Variants in SHLD1 observed in about 807,000 individuals in gnomAD.
SHLD1 encodes RINN1-REV7-interacting novel NHEJ regulator 3.
SHLD1 carries 3 observed loss-of-function variants against 5.5 expected under a neutral mutation model. The ratio of observed to expected loss-of-function variants is 0.54; its 90% CI spans 0.25 to 1.40. The LOEUF is 1.40. SHLD1 is among the 40% of genes most tolerant of loss of function. SHLD1 has a pLI of 0.15. For missense variants in SHLD1, 210 were observed against 244.4 expected (o/e 0.86, Z 0.94); for synonymous variants, 92 against 94.3 (o/e 0.98, Z 0.14).
chr20:5,770,943 T>A (rs1174693185), intron 1 of SHLD1, among the ~76,000 whole-genome samples: 50 of 152,196 alleles, frequency 3.3e-4, no homozygotes, highest in Admixed American at 3.1e-3. Flanking sequence ...CAGCCCTTCC[T>A]CTTTCAAATA....
At chr20:5,795,509 G>T (rs2087198684) in intron 2 of SHLD1, among the ~76,000 whole-genome samples, 1 of 148,552 alleles carries the variant, frequency 6.7e-6, no homozygotes, top group African/African-American at 2.5e-5. Context: ...TGAGGCAGGA[G>T]AATTGCTTGA....
intron 2 of SHLD1, among the ~76,000 whole-genome samples, chr20:5,848,175 C>A (rs1345872777): frequency 6.6e-6 from 1 of 152,162 alleles, no homozygotes; most frequent in Admixed American, 6.5e-5. Context: ...CTACCACACA[C>A]AAAGCAACAC....
chr20:5,766,381 T>C (rs1568491365), intron 1 of SHLD1, among the ~76,000 whole-genome samples: 1 of 152,220 alleles, frequency 6.6e-6, no homozygotes, highest in East Asian at 1.9e-4. Context: ...CAACAGCACG[T>C]GACTGGGTGT....
chr20:5,860,876 TAAAAAAAAAAAAAAA>T (rs10555301), intron 2 of SHLD1, among the ~76,000 whole-genome samples: 40 of 100,776 alleles, frequency 4.0e-4, no homozygotes, highest in East Asian at 1.5e-3. Context: ...TACTATTCTT[TAAAAAAAAAAAAAAA>T]AAAAAAAAAA....
chr20:5,765,894 C>T (rs967768227), intron 1 of SHLD1, among the ~76,000 whole-genome samples: 1 of 144,922 alleles, frequency 6.9e-6, no homozygotes, highest in East Asian at 2.2e-4. Flanking sequence ...GCTGGGATTA[C>T]AGACATCAGC....
At chr20:5,849,748 A>G (rs573157076) in intron 2 of SHLD1, among the ~76,000 whole-genome samples, 10 of 150,374 alleles carry the variant, frequency 6.7e-5, no homozygotes, top group South Asian at 4.2e-4. Flanking sequence ...TCATGAGGTC[A>G]GGAGATCGAG....
chr20:5,758,511 T>C (rs1237652170), intron 1 of SHLD1, among the ~76,000 whole-genome samples: 2 of 151,510 alleles, frequency 1.3e-5, no homozygotes, highest in Non-Finnish European at 2.9e-5. Flanking sequence ...CTCCACCCCC[T>C]GAGTTCAAGT....
At chr20:5,819,121 CA>C (rs748123893) in intron 2 of SHLD1, among the ~76,000 whole-genome samples, 1 of 152,128 alleles carries the variant, frequency 6.6e-6, no homozygotes, top group Non-Finnish European at 1.5e-5. Context: ...CTCAGCCTCC[CA>C]AAGTGCTGGG....
In SHLD1 at chr20:5,855,103, C is replaced by T. The variant is rs1393110482; in HGVS notation, c.179-7921C>T. 6.6e-6 allele frequency among the ~76,000 whole-genome samples: 1 copy of T among 151,808 alleles called. No homozygotes were observed. Among genetic ancestry groups the T allele is most frequent in the Non-Finnish European group, 1.5e-5 (1 of 67,986 alleles). ...ATGTTGCCTAGGTTGGTCTCAAACT[C>T]CTGGCTTCAAGTGATCCTCCTGCCT... On this transcript the variant is annotated intron_variant, in intron 2 of 2. Transcript: ENST00000303142. This position sits in a 1 kb window ranked among gnomAD's most constrained non-coding sequence, Gnocchi z 4.4.
intron 2 of SHLD1, among the ~76,000 whole-genome samples, chr20:5,822,547 T>C (rs1321088737): frequency 6.6e-6 from 1 of 152,146 alleles, no homozygotes. Context: ...TGTGAGTGTG[T>C]GTGCTTGTGT....
intron 2 of SHLD1, among the ~76,000 whole-genome samples, chr20:5,837,829 G>A (rs533886339): frequency 3.9e-5 from 6 of 152,138 alleles, no homozygotes; most frequent in South Asian, 2.1e-4. Context: ...TTTAGGCTAC[G>A]CAATTTGTCT....
intron 2 of SHLD1, among the ~76,000 whole-genome samples, chr20:5,840,149 A>G (rs1027707): frequency 6.6e-6 from 1 of 152,168 alleles, no homozygotes; most frequent in Non-Finnish European, 1.5e-5. Context: ...ATTTTCTTGC[A>G]TGCTTTATTA....
chr20:5,820,589 G>A (rs1199110028), intron 2 of SHLD1, among the ~76,000 whole-genome samples: 3 of 152,174 alleles, frequency 2.0e-5, no homozygotes, highest in Non-Finnish European at 4.4e-5. Flanking sequence ...TTTTCACCAG[G>A]CAAACTCAGA....
Position 5,790,690 on chromosome 20 carries a change from G to T in SHLD1, c.178+17647G>T, listed in dbSNP as rs892591077. Among the ~76,000 whole-genome samples the T allele has an allele frequency of 4.6e-5, 7 of 152,090 alleles. No homozygotes were observed. In the South Asian group the frequency reaches 1.0e-3, roughly 23 times the overall value. ...GCTGGTCTTGAACTCCTGACCTCAG[G>T]TGATCCACCCACCTTGGCCTCCCAA... On this transcript the variant is annotated intron_variant, in intron 2 of 2. Coordinates refer to ENST00000303142, the MANE Select transcript of SHLD1 (RefSeq NM_152504.4).
chr20:5,778,779 G>A (rs557272631), intron 2 of SHLD1, among the ~76,000 whole-genome samples: 8 of 152,250 alleles, frequency 5.3e-5, no homozygotes, highest in African/African-American at 1.4e-4. Flanking sequence ...AGAAATAAAC[G>A]TGCTCAGGTT....
At chr20:5,814,199 A>G (rs947384853) in intron 2 of SHLD1, among the ~76,000 whole-genome samples, 3 of 151,434 alleles carry the variant, frequency 2.0e-5, no homozygotes, top group African/African-American at 7.3e-5. Flanking sequence ...CAAGCGATCC[A>G]CCCACCTTGG....
At chr20:5,788,190 G>C (rs1364804506) in intron 2 of SHLD1, among the ~76,000 whole-genome samples, 1 of 151,968 alleles carries the variant, frequency 6.6e-6, no homozygotes, top group Admixed American at 6.6e-5. Flanking sequence ...AGTATGTGAG[G>C]TTTTTTTCCT....
At chr20:5,765,523 C>G (rs1457069382) in intron 1 of SHLD1, among the ~76,000 whole-genome samples, 1 of 152,104 alleles carries the variant, frequency 6.6e-6, no homozygotes, top group Non-Finnish European at 1.5e-5. Flanking sequence ...GCTGGGATTA[C>G]AGGTGTGAGC....
At chr20:5,844,577 G>A (rs1425782418) in intron 2 of SHLD1, among the ~76,000 whole-genome samples, 1 of 151,976 alleles carries the variant, frequency 6.6e-6, no homozygotes, top group Non-Finnish European at 1.5e-5. Context: ...GGGTGCACCA[G>A]GGACCTCTGT....
Sources: allele counts gnomAD v4.1 joint callset (sites outside exome capture counted in the v4.1 genomes callset), GRCh38; gene constraint gnomAD v4.1.1; non-coding constraint Gnocchi (gnomAD v3.1); transcripts MANE v1.5; gene names NCBI Gene and HGNC (gene_info 2026-07-23, HGNC 2026-07-21).